Variants in E2F7 observed in about 807,000 individuals in gnomAD.
The protein encoded by E2F7 is E2F transcription factor 7.
Under a neutral mutation model 81.1 loss-of-function variants are expected in E2F7, and 35 were observed. That is an observed-to-expected ratio of 0.43 (90% CI 0.33 to 0.57). The LOEUF is 0.57. E2F7 is among the 20% of genes least tolerant of loss of function. The pLI is 0.04. For synonymous variants in E2F7, 416 were observed against 416.2 expected, an observed-to-expected ratio of 1.00 and a Z score of 0.01; for missense variants, 961 against 1,093.7, an observed-to-expected ratio of 0.88 and a Z score of 1.71.
rs772670301 is a variant in E2F7, at chr12:77,030,193, C to A, written c.1522G>T (p.Asp508Tyr). Reference sequence around the variant, plus strand: ...TTCTGCATGGAGAATGCCTGCAGGTCCGTCTGAGCAACAGAAAATACTGGG... The same window carrying A: ...TTCTGCATGGAGAATGCCTGCAGGTACGTCTGAGCAACAGAAAATACTGGG... ...AHPVFSVAQTDLQAFSMQNGL... is the reference protein window; with the variant it reads ...AHPVFSVAQTYLQAFSMQNGL... The change falls in exon 10 of 13, where the codon GAC becomes TAC. Residue 508 changes from aspartate to tyrosine, a missense_variant. This residue lies in a region of E2F7 where 587 missense variants were observed against 620.3 expected (regional missense o/e 0.95). Transcript: ENST00000322886. 1.3e-5 allele frequency: 21 copies of A among 1,614,010 alleles called. No homozygotes were observed. Among genetic ancestry groups the A allele is most frequent in the Middle Eastern group, 1.6e-4 (1 of 6,084 alleles).
At chr12:77,028,195 TC>T in intron 10 of E2F7, 57 bp from the exon 11 acceptor site, 2 of 1,350,666 alleles carry the variant, frequency 1.5e-6, no homozygotes, top group South Asian at 1.4e-5. Context: ...GTAGTAAATC[TC>T]TCTTTTTTTT....
At chr12:77,032,841 A>G (rs1256917061) in intron 9 of E2F7, among the ~76,000 whole-genome samples, 1 of 152,182 alleles carries the variant, frequency 6.6e-6, no homozygotes, top group African/African-American at 2.4e-5. Context: ...CCTATAAGCC[A>G]TCATAGCTTA....
rs147184604 is a variant in E2F7 at position 77,023,058 on chromosome 12, A to C, written c.*957T>G. 1 of 152,192 alleles carries C rather than the reference A, an allele frequency of 6.6e-6. No homozygotes were observed. Among genetic ancestry groups the C allele is most frequent in the Non-Finnish European group, 1.5e-5 (1 of 68,042 alleles). 9.4% of individuals were successfully genotyped at this position (152,192 alleles called of 1,614,324 possible). Reference sequence around the variant, plus strand: ...ACGAAAAGGTCTCATCCAGGTTCCAATTTTCCATATAATCACTTTCTACCA... The same window carrying C: ...ACGAAAAGGTCTCATCCAGGTTCCACTTTTCCATATAATCACTTTCTACCA... On this transcript the variant is annotated 3_prime_UTR_variant, in exon 13 of 13. Transcript: ENST00000322886.
Position 77,046,229 on chromosome 12 carries a change from T to C in E2F7, c.638A>G (p.His213Arg). Residue 213 changes from histidine (H) to arginine (R), a missense_variant, in exon 5 of 13, where the codon CAC becomes CGC. Around this residue, in one of 3 missense-constraint regions of E2F7, gnomAD observed 301 missense variants for 405.0 expected, o/e 0.74. Coordinates refer to ENST00000322886, the MANE Select transcript of E2F7 (RefSeq NM_203394.3). Reference protein sequence around the residue: ...AKNQYGWHGRHSLPKTLRNLQ... With the variant: ...AKNQYGWHGRRSLPKTLRNLQ... Reference sequence around the variant, plus strand: ...GTTCCTCAGGGTTTTTGGCAGGCTGTGCCGTCCATGCCAGCCATACTGATT... The same window carrying C: ...GTTCCTCAGGGTTTTTGGCAGGCTGCGCCGTCCATGCCAGCCATACTGATT... 6.2e-7 allele frequency: 1 copy of C among 1,614,208 alleles called. No individual in the cohort carries two copies. Among genetic ancestry groups the C allele is most frequent in the African/African-American group, 1.3e-5 (1 of 75,062 alleles).
chr12:77,064,592 C>T lies in E2F7; in HGVS notation c.44G>A (p.Arg15Lys), dbSNP rs1226544538. The part of the protein sequence containing the change: ...CLTLKDLISP[R>K]QPRLDFAVED... ...AACTGCAAAATCTAGTCTGGGCTGC[C>T]TGGGGCTGATCAGGTCTTTTAGTGT... Residue 15 changes from arginine (R) to lysine (K), a missense_variant, in exon 2 of 13, where the codon AGG becomes AAG. Coordinates refer to ENST00000322886, the MANE Select transcript of E2F7 (RefSeq NM_203394.3). 4 of 1,613,996 alleles carry T rather than the reference C, an allele frequency of 2.5e-6. No homozygotes were observed. The highest frequency in any genetic ancestry group is 1.3e-5 in the African/African-American group (1 of 74,912).
At position 77,030,238 on chromosome 12, in the gene E2F7, A is replaced by G; in HGVS notation, c.1477T>C (p.Cys493Arg). 6.2e-7 allele frequency: 1 copy of G among 1,613,602 alleles called. No individual in the cohort carries two copies. The change falls in exon 10 of 13, where the codon TGT (cysteine) becomes CGT (arginine). Residue 493 changes from cysteine (C) to arginine (R), a missense_variant. Physicochemically the swap from Cys to Arg is radical, Grantham distance 180. This residue lies in a region of E2F7 where 587 missense variants were observed against 620.3 expected (regional missense o/e 0.95). Coordinates refer to ENST00000322886, the MANE Select transcript of E2F7 (RefSeq NM_203394.3). Reference protein sequence around the residue: ...FPVLSVDPEYCVNPLAHPVFS... With the variant: ...FPVLSVDPEYRVNPLAHPVFS... ...ACTGGGTGGGCTAAAGGATTAACACAATATTCTGGGTCAACAGAGAGGACA... is the reference window on the plus strand; with the variant it reads ...ACTGGGTGGGCTAAAGGATTAACACGATATTCTGGGTCAACAGAGAGGACA...
chr12:77,028,762 CG>C (rs1954780242), intron 10 of E2F7, among the ~76,000 whole-genome samples: 2 of 152,152 alleles, frequency 1.3e-5, no homozygotes, highest in African/African-American at 4.8e-5. Flanking sequence ...CATAAGCCAC[CG>C]CGCCCGGCTG....
chr12:77,054,116 A>G (rs1955011688), intron 3 of E2F7, among the ~76,000 whole-genome samples: 1 of 152,072 alleles, frequency 6.6e-6, no homozygotes, highest in East Asian at 1.9e-4. Flanking sequence ...AAAACTACCT[A>G]TTGGGTATTA....
intron 4 of E2F7, among the ~76,000 whole-genome samples, chr12:77,049,290 A>G (rs1954967062): frequency 6.6e-6 from 1 of 152,164 alleles, no homozygotes. Flanking sequence ...CCCCAATCCT[A>G]GAATACTATA....
Position 77,023,748 on chromosome 12 carries a change from C to A in E2F7, c.*267G>T, listed in dbSNP as rs199705716. 1 of 231,426 alleles carries A rather than the reference C, an allele frequency of 4.3e-6. No homozygotes were observed. Among genetic ancestry groups the A allele is most frequent in the Non-Finnish European group, 7.0e-6 (1 of 142,232 alleles). 14.3% of individuals were successfully genotyped at this position (231,426 alleles called of 1,614,324 possible). On this transcript the variant is annotated 3_prime_UTR_variant, in exon 13 of 13. Coordinates refer to ENST00000322886, the MANE Select transcript of E2F7 (RefSeq NM_203394.3). The stretch of plus-strand genomic sequence containing the variant: ...CCGGTAGCCTATTCAGATCTACTTC[C>A]AGAATAAGACGATTCTTGAATCAAA...
intron 2 of E2F7, among the ~76,000 whole-genome samples, chr12:77,056,965 T>C (rs1481687199): frequency 1.3e-5 from 2 of 151,810 alleles, no homozygotes; most frequent in African/African-American, 2.4e-5. Context: ...TAATTCACTA[T>C]AGCCTCAAAC....
chr12:77,047,807 T>G (rs1436093606), intron 4 of E2F7, among the ~76,000 whole-genome samples: 5 of 152,204 alleles, frequency 3.3e-5, no homozygotes, highest in African/African-American at 1.2e-4. Context: ...CGGAAGGTGC[T>G]GGCAGGAGCA....
rs1226380475 is a variant in E2F7, at chr12:77,056,056, C to G, written c.168G>C (p.Lys56Asn). 1 of 1,613,830 alleles carries G rather than the reference C, an allele frequency of 6.2e-7. No individual in the cohort carries two copies. Among genetic ancestry groups the G allele is most frequent in the Non-Finnish European group, 8.5e-7 (1 of 1,179,962 alleles). The change falls in exon 3 of 13, where the codon AAG becomes AAC. Residue 56 changes from lysine to asparagine, a missense_variant. Lys to Asn is a moderately conservative substitution (Grantham distance 94). Transcript: ENST00000322886. ...TTCTTTCTGGAGTAAATTTTTTTTG[C>G]TTCGATAAATCAATTGGTTCATTTT... ...PIKNEPIDLSKQKKFTPERNP... is the reference protein window; with the variant it reads ...PIKNEPIDLSNQKKFTPERNP...
chr12:77,025,696 G>T lies in E2F7; in HGVS notation c.2427C>A (p.Leu809=). Residue 809 remains leucine (L), a synonymous_variant, in exon 12 of 13, where the codon CTC becomes CTA. Transcript: ENST00000322886. ...TAVVNPKSST[L]PSADPQLQSQ... ...TCTGAAGCTGAGGGTCTGCAGAAGGGAGTGTGGACGACTTTGGATTAACCA... is the reference window on the plus strand; with the variant it reads ...TCTGAAGCTGAGGGTCTGCAGAAGGTAGTGTGGACGACTTTGGATTAACCA... The T allele has an allele frequency of 6.2e-7, 1 of 1,614,192 alleles. No individual in the cohort carries two copies. The highest frequency in any genetic ancestry group is 8.5e-7 in the Non-Finnish European group (1 of 1,180,044).
At chr12:77,031,724 A>T (rs1954809544) in intron 9 of E2F7, among the ~76,000 whole-genome samples, 1 of 152,110 alleles carries the variant, frequency 6.6e-6, no homozygotes, top group Non-Finnish European at 1.5e-5. Flanking sequence ...GAGGACCAGG[A>T]TTTCTTTCCG....
At chr12:77,053,964 T>C (rs1411973968) in intron 3 of E2F7, among the ~76,000 whole-genome samples, 1 of 152,048 alleles carries the variant, frequency 6.6e-6, no homozygotes, top group Admixed American at 6.6e-5. Flanking sequence ...GATCAAATAG[T>C]CTATCAAAAG....
intron 7 of E2F7, among the ~76,000 whole-genome samples, chr12:77,035,285 A>C (rs917384276): frequency 1.3e-5 from 2 of 152,164 alleles, no homozygotes; most frequent in Admixed American, 1.3e-4. Context: ...AGCTATACAG[A>C]AAGAGAATGC....
intron 8 of E2F7, among the ~76,000 whole-genome samples, chr12:77,033,464 A>G (rs1277604648): frequency 6.6e-6 from 1 of 152,170 alleles, no homozygotes; most frequent in Non-Finnish European, 1.5e-5. Flanking sequence ...GTGAGCCGTG[A>G]TCATGCCACT....
chr12:77,040,908 A>C (rs2369464), intron 7 of E2F7, among the ~76,000 whole-genome samples: 21,077 of 152,200 alleles, frequency 0.14, 2,392 homozygotes, highest in African/African-American at 0.32. Context: ...CTGGTAGGAA[A>C]GAAGAGGAGA....
Sources: allele counts gnomAD v4.1 joint callset (sites outside exome capture counted in the v4.1 genomes callset), GRCh38; gene constraint gnomAD v4.1.1; regional missense constraint gnomAD v4.1.1; transcripts MANE v1.5; gene names NCBI Gene and HGNC (gene_info 2026-07-23, HGNC 2026-07-21).